FHIT: variants seen among roughly 807,000 people sequenced by gnomAD.
FHIT encodes the protein bis(5'-adenosyl)-triphosphatase.
A neutral mutation model predicts 17.9 loss-of-function variants in FHIT; 19 were observed. The ratio of observed to expected loss-of-function variants is 1.06; its 90% CI spans 0.74 to 1.56. The LOEUF (loss-of-function observed/expected upper bound fraction) is 1.56. FHIT is among the 40% of genes most tolerant of loss of function. FHIT has a pLI of 0.00. For synonymous variants in FHIT, 81 were observed against 69.7 expected, an observed-to-expected ratio of 1.16 and a Z score of -0.81; for missense variants, 248 against 189.2, an observed-to-expected ratio of 1.31 and a Z score of -1.82.
intron 5 of FHIT, among the ~76,000 whole-genome samples, chr3:60,364,692 T>C (rs188216400): frequency 6.2e-4 from 95 of 152,362 alleles, no homozygotes; most frequent in South Asian, 1.2e-3. Context: ...ACATTATTTC[T>C]GTGTGTATCA....
At chr3:59,778,736 T>C (rs1461128018) in intron 8 of FHIT, among the ~76,000 whole-genome samples, 1 of 152,218 alleles carries the variant, frequency 6.6e-6, no homozygotes. Flanking sequence ...TTTAGGCTTG[T>C]CATGTAGAGA....
intron 2 of FHIT, among the ~76,000 whole-genome samples, chr3:61,071,929 T>G (rs1436024029): frequency 3.9e-5 from 6 of 152,202 alleles, no homozygotes; most frequent in South Asian, 2.1e-4. Context: ...TATTACTGAT[T>G]TGTGAGCTAA....
At chr3:60,325,836 T>A (rs1034436966) in intron 5 of FHIT, among the ~76,000 whole-genome samples, 1 of 152,252 alleles carries the variant, frequency 6.6e-6, no homozygotes, top group East Asian at 1.9e-4. Context: ...AGGATAATCA[T>A]GTTATGTTAT....
intron 5 of FHIT, among the ~76,000 whole-genome samples, chr3:60,289,056 T>G (rs1245096567): frequency 6.6e-6 from 1 of 152,146 alleles, no homozygotes; most frequent in Non-Finnish European, 1.5e-5. Flanking sequence ...AGTTTAAAGT[T>G]TTCATAAACA....
chr3:61,128,314 A>G (rs1202629238), intron 2 of FHIT, among the ~76,000 whole-genome samples: 1 of 152,230 alleles, frequency 6.6e-6, no homozygotes, highest in African/African-American at 2.4e-5. Flanking sequence ...GACCAGGCAT[A>G]TTACTTAACA....
At chr3:60,627,869 T>G (rs550565715) in intron 4 of FHIT, among the ~76,000 whole-genome samples, 41 of 152,328 alleles carry the variant, frequency 2.7e-4, no homozygotes, top group African/African-American at 9.1e-4. Flanking sequence ...TCTTCTTTCT[T>G]TCCTGCTTAG....
chr3:60,364,037 A>C (rs1032857951), intron 5 of FHIT, among the ~76,000 whole-genome samples: 6 of 152,092 alleles, frequency 3.9e-5, no homozygotes, highest in African/African-American at 1.4e-4. Context: ...AGTCACTATA[A>C]CATCATCTGT....
At chr3:60,038,537 A>G (rs920228919) in intron 5 of FHIT, among the ~76,000 whole-genome samples, 10 of 152,216 alleles carry the variant, frequency 6.6e-5, no homozygotes, top group Non-Finnish European at 1.0e-4. Context: ...CTCAATATGC[A>G]TGAAACGCTT....
chr3:60,788,686 T>A (rs193198004), intron 4 of FHIT, among the ~76,000 whole-genome samples: 1 of 152,270 alleles, frequency 6.6e-6, no homozygotes, highest in Admixed American at 6.5e-5. Flanking sequence ...ATAGCCTAAG[T>A]GAATATTCCT....
At chr3:60,489,447 A>G (rs2033973615) in intron 5 of FHIT, among the ~76,000 whole-genome samples, 1 of 152,180 alleles carries the variant, frequency 6.6e-6, no homozygotes, top group Admixed American at 6.5e-5. Context: ...AGCCCACTGA[A>G]TTAAAGACAT....
At chr3:60,279,083 T>G (rs959725322) in intron 5 of FHIT, among the ~76,000 whole-genome samples, 1 of 151,434 alleles carries the variant, frequency 6.6e-6, no homozygotes, top group African/African-American at 2.4e-5. Context: ...CAGAGAAAAA[T>G]TAACAAAACC....
chr3:60,835,338 G>C (rs1264521873), intron 3 of FHIT, among the ~76,000 whole-genome samples: 1 of 152,050 alleles, frequency 6.6e-6, no homozygotes, highest in Non-Finnish European at 1.5e-5. Context: ...TTACTACGCT[G>C]TGACTTTCAA....
chr3:61,128,892 A>G (rs1158594227), intron 2 of FHIT, among the ~76,000 whole-genome samples: 3 of 152,282 alleles, frequency 2.0e-5, no homozygotes, highest in African/African-American at 7.2e-5. Flanking sequence ...ACTGGCATAC[A>G]TAAGCCTGGA....
At chr3:60,580,132 G>A (rs905395259) in intron 4 of FHIT, among the ~76,000 whole-genome samples, 6 of 152,022 alleles carry the variant, frequency 3.9e-5, no homozygotes, top group African/African-American at 1.4e-4. Context: ...CCTGAGGCTC[G>A]TTCCAACTCT....
chr3:60,201,007 C>A (rs1349212153), intron 5 of FHIT, among the ~76,000 whole-genome samples: 1 of 152,134 alleles, frequency 6.6e-6, no homozygotes, highest in Admixed American at 6.5e-5. Context: ...ACAGAACTTA[C>A]TAAAGTTCAG....
At chr3:59,805,432 C>T (rs1700158558) in intron 8 of FHIT, among the ~76,000 whole-genome samples, 1 of 152,084 alleles carries the variant, frequency 6.6e-6, no homozygotes, top group South Asian at 2.1e-4. Flanking sequence ...CTGTTCGCTC[C>T]CTGTTTGTCC....
At chr3:60,090,501 G>A (rs958626563) in intron 5 of FHIT, among the ~76,000 whole-genome samples, 2 of 152,256 alleles carry the variant, frequency 1.3e-5, no homozygotes, top group Admixed American at 1.3e-4. Flanking sequence ...TGATTGATGG[G>A]TAGAAAAAGT....
chr3:59,772,815 A>G (rs538707316), intron 8 of FHIT, among the ~76,000 whole-genome samples: 1 of 152,280 alleles, frequency 6.6e-6, no homozygotes, highest in East Asian at 1.9e-4. Flanking sequence ...GTGCATCCAC[A>G]ACTCCAAATT....
intron 3 of FHIT, among the ~76,000 whole-genome samples, chr3:60,935,747 G>A (rs11926529): frequency 0.26 from 39,481 of 152,080 alleles, 5,301 homozygotes; most frequent in Middle Eastern, 0.34. Flanking sequence ...GAATTTCCAG[G>A]AGACTTAGGA....
Sources: allele counts gnomAD v4.1 joint callset (sites outside exome capture counted in the v4.1 genomes callset), GRCh38; gene constraint gnomAD v4.1.1; transcripts MANE v1.5; gene names NCBI Gene and HGNC (gene_info 2026-07-23, HGNC 2026-07-21).